Variants in P2RX5 observed in about 807,000 individuals in gnomAD.
P2RX5 encodes the protein purinergic receptor P2X 5, also known as P2X purinoceptor 5.
In P2RX5, 46 loss-of-function variants were observed where a neutral mutation model predicts 54.1. The observed-to-expected ratio is 0.85, with a 90% CI of 0.67 to 1.09. P2RX5 has a LOEUF of 1.09. Ranked by LOEUF, P2RX5 falls within the 50% of genes least tolerant of loss-of-function variation. The pLI, the probability that P2RX5 is intolerant of heterozygous loss-of-function variation, is 0.00. For missense variants in P2RX5, 566 were observed against 549.8 expected, an observed-to-expected ratio of 1.03 and a Z score of -0.29; for synonymous variants, 226 against 226.4, an observed-to-expected ratio of 1.00 and a Z score of 0.02.
chr17:3,695,847 C>G, intron 1 of P2RX5, 22 bp downstream of exon 1: 1 of 1,612,192 alleles, frequency 6.2e-7, no homozygotes, highest in East Asian at 2.2e-5. Context: ...CCCGCCTTCC[C>G]AAAAGTCCGC....
chr17:3,677,621 G>A (rs2050134689), intron 11 of P2RX5: 1 of 985,300 alleles, frequency 1.0e-6, no homozygotes, highest in African/African-American at 1.7e-5. Flanking sequence ...AGCTGGAGTG[G>A]CTGGGCCTGG....
chr17:3,723,712 G>A, the P2RX5 span: 35 of 1,604,260 alleles, frequency 2.2e-5, no homozygotes, highest in East Asian at 7.4e-4. Context: ...ACGCACAAGC[G>A]CGCTCCTGAC....
chr17:3,712,740 A>G, the P2RX5 span, among the ~76,000 whole-genome samples: 1 of 152,160 alleles, frequency 6.6e-6, no homozygotes, highest in South Asian at 2.1e-4. Context: ...TGAGGTCAGG[A>G]GTTCGAGACC....
chr17:3,697,118 C>T (rs1427772287), upstream of P2RX5, among the ~76,000 whole-genome samples: 1 of 150,960 alleles, frequency 6.6e-6, no homozygotes, highest in Non-Finnish European at 1.5e-5. Context: ...GACCTCCCTC[C>T]CACACTCAGG....
At chr17:3,723,720 G>C in the P2RX5 span, 1 of 1,605,758 alleles carries the variant, frequency 6.2e-7, no homozygotes, top group Non-Finnish European at 8.5e-7. Context: ...GCGCGCTCCT[G>C]ACTCCAGGTG....
Position 3,673,305 on chromosome 17 carries a change from G to A in P2RX5, c.*563C>T, listed in dbSNP as rs577353235. 2 of 992,658 alleles carry A rather than the reference G, an allele frequency of 2.0e-6. No homozygotes were observed. Among genetic ancestry groups the A allele is most frequent in the East Asian group, 2.2e-4 (2 of 9,104 alleles). 61.5% of individuals were successfully genotyped at this position (992,658 alleles called of 1,614,324 possible). A position where few individuals can be genotyped will look rare whatever the true frequency, so the allele number is the denominator to read the frequency against. On this transcript the variant is annotated 3_prime_UTR_variant, in exon 12 of 12. Coordinates refer to ENST00000225328, the MANE Select transcript of P2RX5 (RefSeq NM_002561.4). ...ACATATCTTGGGCAGGTCCCAGAAA[G>A]CGTCTGCCATCTCCCCCACTTTAAT... is the stretch of plus-strand genomic sequence containing the variant.
the P2RX5 span, among the ~76,000 whole-genome samples, chr17:3,710,778 G>C: frequency 1.3e-5 from 2 of 150,346 alleles, no homozygotes; most frequent in African/African-American, 4.9e-5. Context: ...AAATACAAAA[G>C]TTAGTTGGGC....
In P2RX5 at chr17:3,681,987, CAG is replaced by C. The variant is rs1319087542; in HGVS notation, c.982-11_982-10del. ...TCGCAGAAGAAAGCACCCTGCAAAA[CAG>C]GGGTTCCTGATTCAGAATCCTAGAC... On this transcript the variant is annotated splice_polypyrimidine_tract_variant and intron_variant, in intron 9 of 11. Coordinates refer to ENST00000225328, the MANE Select transcript of P2RX5 (RefSeq NM_002561.4). The C allele has an allele frequency of 8.8e-6, 14 of 1,599,988 alleles. No homozygotes were observed. The East Asian group carries it at 1.8e-4, about 20-fold the overall frequency.
At chr17:3,680,173 GCATCCTCCACCCT>G (rs2050213969) in intron 10 of P2RX5, among the ~76,000 whole-genome samples, 1 of 109,742 alleles carries the variant, frequency 9.1e-6, no homozygotes, top group Non-Finnish European at 1.9e-5. Context: ...CCTCCACCCT[GCATCCTCCACCCT>G]GCGTCCTCCA....
chr17:3,688,343 C>T (rs1434997066), intron 8 of P2RX5, among the ~76,000 whole-genome samples: 1 of 152,210 alleles, frequency 6.6e-6, no homozygotes, highest in Non-Finnish European at 1.5e-5. Context: ...TCTGAGCAAC[C>T]CTTGGGTCGC....
chr17:3,716,265 A>G, the P2RX5 span, among the ~76,000 whole-genome samples: 1 of 124,898 alleles, frequency 8.0e-6, no homozygotes, highest in South Asian at 3.4e-4. Context: ...GAGTTTGCAC[A>G]TTAAGACAGG....
At chr17:3,697,210 C>A (rs1457421151), upstream of P2RX5, among the ~76,000 whole-genome samples, 4 of 152,254 alleles carry the variant, frequency 2.6e-5, no homozygotes, top group East Asian at 7.7e-4. Context: ...AAAAATATGC[C>A]TGGAGAGTGC....
Sources: allele counts gnomAD v4.1 joint callset (sites outside exome capture counted in the v4.1 genomes callset), GRCh38; gene constraint gnomAD v4.1.1; transcripts MANE v1.5; gene names NCBI Gene and HGNC (gene_info 2026-07-23, HGNC 2026-07-21).